FN1: variants seen among roughly 807,000 people sequenced by gnomAD.
The protein encoded by FN1 is fibronectin 1.
A neutral mutation model predicts 297.3 loss-of-function variants in FN1; 106 were observed. That is an observed-to-expected ratio of 0.36 (90% CI 0.30 to 0.42). The LOEUF (loss-of-function observed/expected upper bound fraction) is 0.42. Among genes scored for constraint, FN1 ranks in the 10% least tolerant of loss-of-function variants. The pLI, the probability that FN1 is intolerant of heterozygous loss-of-function variation, is 1.00. For missense variants in FN1, 2,690 were observed against 3,124.9 expected (o/e 0.86, Z 3.32); for synonymous variants, 1,149 against 1,152.6 (o/e 1.00, Z 0.06).
In FN1 at chr2:215,373,341, C is replaced by G; in HGVS notation, c.6228G>C (p.Leu2076=). ...TCTTACCTGTCTTTTTCCTTCCAAT[C>G]AGGGGCTCGCTCTTCTGATTATTCT... ...ALKNNQKSEP[L]IGRKKTDELP... Residue 2076 remains leucine, a synonymous_variant, in exon 39 of 46, where the codon CTG becomes CTC. Transcript: ENST00000354785. 2 of 1,613,502 alleles carry G rather than the reference C, an allele frequency of 1.2e-6. No individual in the cohort carries two copies. The highest frequency in any genetic ancestry group is 1.7e-6 in the Non-Finnish European group (2 of 1,179,580).
chr2:215,364,464 C>A, intron 44 of FN1: 1 of 273,386 alleles, frequency 3.7e-6, no homozygotes, highest in Admixed American at 4.8e-5. Context: ...ATGGGGAGAA[C>A]CGGCTGAAAT....
chr2:215,422,511 C>T lies in FN1; in HGVS notation c.1394-268G>A, dbSNP rs79603802. Among the ~76,000 whole-genome samples the T allele has an allele frequency of 7.7e-3, 1,172 of 152,296 alleles. 3 individuals carry two copies. Among genetic ancestry groups the T allele is most frequent in the Non-Finnish European group, 0.012 (811 of 68,030 alleles). On this transcript the variant is annotated intron_variant, in intron 9 of 45. Transcript: ENST00000354785. The stretch of plus-strand genomic sequence containing the variant: ...AACTAAGATAATATCTACACATCCA[C>T]ACAAAGGGTTCTTGCTGTTCTAGAA...
At chr2:215,418,736 C>A (rs894135425) in intron 12 of FN1, among the ~76,000 whole-genome samples, 13 of 152,132 alleles carry the variant, frequency 8.5e-5, no homozygotes, top group Admixed American at 2.0e-4. Flanking sequence ...AGTTACTCAA[C>A]CCTTGGCCCA....
chr2:215,392,050 A>C (rs2059768795), intron 25 of FN1: 2 of 519,476 alleles, frequency 3.9e-6, no homozygotes, highest in African/African-American at 3.8e-5. Flanking sequence ...ATATTTAAAA[A>C]AAATTTTAAT....
intron 6 of FN1, among the ~76,000 whole-genome samples, chr2:215,427,536 G>C (rs769671891): frequency 6.6e-6 from 1 of 152,098 alleles, no homozygotes; most frequent in Non-Finnish European, 1.5e-5. Flanking sequence ...AGAATGCTTA[G>C]ATATCATGTC....
At chr2:215,383,589 T>C (rs560684799) in intron 30 of FN1, 106 bp from the exon 31 acceptor site, 5 of 1,144,398 alleles carry the variant, frequency 4.4e-6, no homozygotes, top group Admixed American at 1.7e-5. Context: ...ATCGCTTACA[T>C]GAGAAAGGTA....
intron 3 of FN1, 98 bp downstream of exon 3, chr2:215,433,226 C>T (rs545781218): frequency 2.2e-5 from 33 of 1,493,698 alleles, no homozygotes; most frequent in Middle Eastern, 1.7e-4. Context: ...CCTCAAAGTT[C>T]GGAATATCCA....
intron 41 of FN1, 123 bp downstream of exon 41, chr2:215,370,165 CATGTTG>C (rs1367212549): frequency 6.7e-6 from 6 of 898,544 alleles, no homozygotes; most frequent in Non-Finnish European, 1.1e-5. Context: ...TCATTTATTT[CATGTTG>C]ATGTGTTGCA....
rs1429480640 is a variant in FN1 at position 215,373,244 on chromosome 2, C to A, written c.6247+78G>T. 3.5e-6 allele frequency: 4 copies of A among 1,136,568 alleles called. No individual in the cohort carries two copies. In the Admixed American group the frequency reaches 5.1e-5, roughly 14 times the overall value. 70.4% of individuals were successfully genotyped at this position (1,136,568 alleles called of 1,614,324 possible). A position where few individuals can be genotyped will look rare whatever the true frequency, so the allele number is the denominator to read the frequency against. ...AGAAATGCATCAAAACATGGAGAAC[C>A]TTTTCATATTGCAAGATTGCTCATT... On this transcript the variant is annotated intron_variant, in intron 39 of 45. Coordinates refer to ENST00000354785, the MANE Select transcript of FN1 (RefSeq NM_212482.4).
intron 13 of FN1, among the ~76,000 whole-genome samples, 198 bp from the exon 14 acceptor site, chr2:215,410,312 G>A (rs1462752162): frequency 1.3e-5 from 2 of 152,078 alleles, no homozygotes; most frequent in African/African-American, 4.8e-5. Flanking sequence ...GCTAACTATT[G>A]TTAACATCAA....
At chr2:215,406,781 TA>T (rs2061829536) in intron 18 of FN1, among the ~76,000 whole-genome samples, 1 of 152,222 alleles carries the variant, frequency 6.6e-6, no homozygotes, top group Non-Finnish European at 1.5e-5. Flanking sequence ...GAAAAGATAC[TA>T]AAAAATTTTT....
At position 215,370,395 on chromosome 2, in the gene FN1, G is replaced by C; in HGVS notation, c.6752C>G (p.Thr2251Arg). 1 of 1,613,716 alleles carries C rather than the reference G, an allele frequency of 6.2e-7. No individual in the cohort carries two copies. Among genetic ancestry groups the C allele is most frequent in the Non-Finnish European group, 8.5e-7 (1 of 1,179,722 alleles). Residue 2251 changes from threonine (T) to arginine (R), a missense_variant, in exon 41 of 46, where the codon ACA becomes AGA. Physicochemically the swap from Thr to Arg is moderately conservative, Grantham distance 71 (BLOSUM62 -1). Transcript: ENST00000354785. ...VPGTSTSATL[T>R]GLTRGATYNV... ...GTAGGTGGCACCTCTGGTGAGGCCT[G>C]TCAGAGTGGCACTGGTAGAAGTTCC...
At position 215,367,854 on chromosome 2, in the gene FN1, A is replaced by G; in HGVS notation, c.7018+9T>C. 6.2e-7 allele frequency: 1 copy of G among 1,613,848 alleles called. No homozygotes were observed. The highest frequency in any genetic ancestry group is 8.5e-7 in the Non-Finnish European group (1 of 1,179,742). On this transcript the variant is annotated intron_variant, in intron 42 of 45. Transcript: ENST00000354785. ...AACACGGAAGTGGATGGACAAAGCA[A>G]CTACTCACTAGATGAATCACATCTG...
At chr2:215,376,382 TATG>T (rs1258523416) in intron 36 of FN1, 113 bp downstream of exon 36, 4 of 954,788 alleles carry the variant, frequency 4.2e-6, no homozygotes, top group African/African-American at 3.2e-5. Context: ...AAAACTGGGT[TATG>T]ATGATAACAC....
chr2:215,424,950 C>CA, intron 7 of FN1, 144 bp downstream of exon 7: 1 of 787,194 alleles, frequency 1.3e-6, no homozygotes, highest in Admixed American at 2.0e-5. Context: ...GAAACTATTT[C>CA]AAATGCCAAC....
chr2:215,399,475 A>G (rs1231765262), intron 20 of FN1, 124 bp from the exon 21 acceptor site: 1 of 696,634 alleles, frequency 1.4e-6, no homozygotes, highest in African/African-American at 1.8e-5. Context: ...AGGATGTAAC[A>G]TATTTTTTCA....
At chr2:215,400,692 C>T (rs1473531501) in intron 20 of FN1, among the ~76,000 whole-genome samples, 3 of 116,746 alleles carry the variant, frequency 2.6e-5, no homozygotes, top group Non-Finnish European at 4.8e-5. Flanking sequence ...ATGGAGGTTT[C>T]AGTGAGCCAA....
chr2:215,392,736 C>T (rs2059843991), intron 25 of FN1, 195 bp downstream of exon 25: 1 of 642,764 alleles, frequency 1.6e-6, no homozygotes, highest in Admixed American at 2.2e-5. Flanking sequence ...TGAGAGTGTA[C>T]TGAAGAATAC....
At position 215,381,950 on chromosome 2, in the gene FN1, A is replaced by G. The variant is rs113691774; in HGVS notation, c.5164+262T>C. ...TTTTGTAGATTTGCTATAGGCAAATAAGATTTCGCTGAGGCCATTTGAGCA... is the reference window on the plus strand; with the variant it reads ...TTTTGTAGATTTGCTATAGGCAAATGAGATTTCGCTGAGGCCATTTGAGCA... On this transcript the variant is annotated intron_variant, in intron 32 of 45. Transcript: ENST00000354785. 2.8e-5 allele frequency: 12 copies of G among 436,094 alleles called. 1 individual carries two copies. Among genetic ancestry groups the G allele is most frequent in the African/African-American group, 1.2e-4 (6 of 49,800 alleles). 27.0% of individuals were successfully genotyped at this position (436,094 alleles called of 1,614,324 possible). A position where few individuals can be genotyped will look rare whatever the true frequency, so the allele number is the denominator to read the frequency against.
Sources: allele counts gnomAD v4.1 joint callset (sites outside exome capture counted in the v4.1 genomes callset), GRCh38; gene constraint gnomAD v4.1.1; transcripts MANE v1.5; gene names NCBI Gene and HGNC (gene_info 2026-07-23, HGNC 2026-07-21).